KIAA0232: variants seen among roughly 807,000 people sequenced by gnomAD.
KIAA0232 encodes uncharacterized protein KIAA0232.
Under a neutral mutation model 122.0 loss-of-function variants are expected in KIAA0232, and 27 were observed. The observed-to-expected ratio is 0.22, with a 90% CI of 0.16 to 0.31. KIAA0232 has a LOEUF of 0.31. Ranked by LOEUF, KIAA0232 falls within the 10% of genes least tolerant of loss-of-function variation. The probability of loss-of-function intolerance (pLI) is 1.00; values close to 1 mark genes in which losing one functional copy is unlikely to be tolerated. For synonymous variants in KIAA0232, 613 were observed against 587.6 expected (o/e 1.04, Z -0.63); for missense variants, 1,551 against 1,634.2 (o/e 0.95, Z 0.88).
chr4:6,784,078 G>T (rs928912130), intron 1 of KIAA0232, among the ~76,000 whole-genome samples: 1 of 151,950 alleles, frequency 6.6e-6, no homozygotes, highest in African/African-American at 2.4e-5. Flanking sequence ...GTCCTCTATA[G>T]GCAAGCTATA....
At position 6,852,723 on chromosome 4, in the gene KIAA0232, T is replaced by G. The variant is rs1720359261; in HGVS notation, c.370-4441T>G. Among the ~76,000 whole-genome samples the G allele has an allele frequency of 2.0e-5, 3 of 152,242 alleles. No individual in the cohort carries two copies. The South Asian group carries it at 6.2e-4, about 32-fold the overall frequency. ...GTTAGCTAGGGCTCAGCTGGGAGGT[T>G]CTTCTGCTGTTCTTGCTTGGGGTCT... On this transcript the variant is annotated intron_variant, in intron 4 of 9. Coordinates refer to ENST00000307659, the MANE Select transcript of KIAA0232 (RefSeq NM_014743.3).
intron 1 of KIAA0232, among the ~76,000 whole-genome samples, chr4:6,801,813 A>G (rs963947187): frequency 2.2e-4 from 33 of 152,330 alleles, no homozygotes; most frequent in African/African-American, 7.9e-4. Context: ...TTGCAGTACA[A>G]AGAAAAATAC....
chr4:6,866,701 C>CT (rs1721200340), intron 7 of KIAA0232, among the ~76,000 whole-genome samples: 1 of 152,126 alleles, frequency 6.6e-6, no homozygotes, highest in Non-Finnish European at 1.5e-5. Context: ...GAACTGGTGT[C>CT]TAAGAGCATG....
intron 1 of KIAA0232, among the ~76,000 whole-genome samples, chr4:6,784,616 T>C (rs1190079943): frequency 6.6e-6 from 1 of 152,238 alleles, no homozygotes; most frequent in South Asian, 2.1e-4. Context: ...TTTCACTTAA[T>C]ATATCTTATA....
rs1350824087 is a variant in KIAA0232, at chr4:6,862,881, A to C, written c.2499A>C (p.Ala833=). 1 of 1,614,252 alleles carries C rather than the reference A, an allele frequency of 6.2e-7. No homozygotes were observed. Among genetic ancestry groups the C allele is most frequent in the Admixed American group, 1.7e-5 (1 of 60,028 alleles). The part of the protein sequence containing the change: ...GVIKDIWTKM[A]DTNSVATVEI... ...TTAAAGACATTTGGACAAAGATGGCAGACACAAATTCTGTGGCTACAGTAG... is the reference window on the plus strand; with the variant it reads ...TTAAAGACATTTGGACAAAGATGGCCGACACAAATTCTGTGGCTACAGTAG... The change falls in exon 7 of 10, where the codon GCA becomes GCC. Residue 833 remains alanine, a synonymous_variant. Transcript: ENST00000307659.
chr4:6,871,926 G>T (rs936715437), intron 8 of KIAA0232, among the ~76,000 whole-genome samples: 1 of 152,188 alleles, frequency 6.6e-6, no homozygotes, highest in Non-Finnish European at 1.5e-5. Flanking sequence ...CATGGATGAG[G>T]TGTGTATAAG....
intron 2 of KIAA0232, among the ~76,000 whole-genome samples, chr4:6,805,234 T>G (rs535981442): frequency 3.0e-3 from 459 of 152,300 alleles, no homozygotes; most frequent in Middle Eastern, 6.8e-3. Flanking sequence ...TGATTTAATG[T>G]TGGAAGCATA....
intron 4 of KIAA0232, among the ~76,000 whole-genome samples, chr4:6,850,229 C>T (rs1720203625): frequency 1.3e-5 from 2 of 152,234 alleles, no homozygotes; most frequent in South Asian, 4.2e-4. Flanking sequence ...CAAATGATGG[C>T]CCAGTGAATC....
chr4:6,812,153 G>A lies in KIAA0232; in HGVS notation c.-270+7547G>A, dbSNP rs527353263. ...GACAACCTCCTGGAACGTGGGGAGG[G>A]GCATATGAACTCCATTGAAAGAGCT... On this transcript the variant is annotated intron_variant, in intron 2 of 9. Coordinates refer to ENST00000307659, the MANE Select transcript of KIAA0232 (RefSeq NM_014743.3). Among the ~76,000 whole-genome samples the A allele has an allele frequency of 8.5e-5, 13 of 152,154 alleles. No individual in the cohort carries two copies. In the South Asian group the frequency reaches 2.7e-3, roughly 32 times the overall value.
At chr4:6,789,299 AG>A (rs1716776925) in intron 1 of KIAA0232, among the ~76,000 whole-genome samples, 1 of 120,660 alleles carries the variant, frequency 8.3e-6, no homozygotes, top group African/African-American at 3.2e-5. Context: ...CCCGAGACTG[AG>A]TTTTACTCTG....
At chr4:6,879,776 C>T (rs1371272978) in intron 9 of KIAA0232, among the ~76,000 whole-genome samples, 1 of 152,022 alleles carries the variant, frequency 6.6e-6, no homozygotes, top group South Asian at 2.1e-4. Context: ...CTCAGCTGAG[C>T]GGGCCTCTTC....
intron 1 of KIAA0232, 27 bp downstream of exon 1, chr4:6,782,868 AGGGCGCGGAGCAGCCCCTCGGCCGGGT>A (rs1283177210): frequency 1.3e-5 from 2 of 148,536 alleles, no homozygotes; most frequent in African/African-American, 2.5e-5. Context: ...GCGGGGAGGG[AGGGCGCGGAGCAGCCCCTCGGCCGGGT>A]GGGCGCGGGC....
At position 6,839,176 on chromosome 4, in the gene KIAA0232, T is replaced by C. The variant is rs186918636; in HGVS notation, c.232-2891T>C. ...ATTCTTCCTTTCAAGCTTCTAGGAA[T>C]GACATTGATTAATAAGATTAATTTT... On this transcript the variant is annotated intron_variant, in intron 3 of 9. Coordinates refer to ENST00000307659, the MANE Select transcript of KIAA0232 (RefSeq NM_014743.3). Among the ~76,000 whole-genome samples the C allele has an allele frequency of 2.6e-5, 4 of 152,326 alleles. No homozygotes were observed. In the East Asian group the frequency reaches 7.7e-4, roughly 29 times the overall value.
intron 2 of KIAA0232, among the ~76,000 whole-genome samples, chr4:6,822,764 TTC>T (rs1214465726): frequency 6.6e-6 from 1 of 151,538 alleles, no homozygotes; most frequent in Non-Finnish European, 1.5e-5. Context: ...GAAGACAAGT[TTC>T]TTTTTTTTTT....
At chr4:6,797,202 G>C (rs1001466367) in intron 1 of KIAA0232, among the ~76,000 whole-genome samples, 15 of 152,164 alleles carry the variant, frequency 9.9e-5, no homozygotes. Context: ...CATGGAAACT[G>C]AAGCTCCTCT....
At chr4:6,822,873 A>C (rs925661506) in intron 2 of KIAA0232, among the ~76,000 whole-genome samples, 33 of 148,924 alleles carry the variant, frequency 2.2e-4, no homozygotes, top group African/African-American at 8.2e-4. Flanking sequence ...GGTGCGCTGC[A>C]CCCACTAACT....
chr4:6,858,574 T>C, intron 6 of KIAA0232, 68 bp downstream of exon 6: 1 of 996,282 alleles, frequency 1.0e-6, no homozygotes, highest in South Asian at 1.5e-5. Flanking sequence ...TGCTACATGG[T>C]TTCCGTTTTC....
At chr4:6,843,350 T>TG (rs1166164438) in intron 4 of KIAA0232, among the ~76,000 whole-genome samples, 3 of 152,226 alleles carry the variant, frequency 2.0e-5, no homozygotes, top group Non-Finnish European at 4.4e-5. Context: ...GGTCTAGTGT[T>TG]GCGATCGTTG....
chr4:6,852,158 G>T (rs1437893440), intron 4 of KIAA0232, among the ~76,000 whole-genome samples: 1 of 152,024 alleles, frequency 6.6e-6, no homozygotes, highest in Admixed American at 6.6e-5. Context: ...GAGCAAATGT[G>T]CATGAGAGCT....
Sources: allele counts gnomAD v4.1 joint callset (sites outside exome capture counted in the v4.1 genomes callset), GRCh38; gene constraint gnomAD v4.1.1; transcripts MANE v1.5; gene names NCBI Gene and HGNC (gene_info 2026-07-23, HGNC 2026-07-21).